Variants in RRBP1 observed in about 807,000 individuals in gnomAD.
The protein encoded by RRBP1 is ribosome binding protein 1.
RRBP1 carries 94 observed loss-of-function variants against 165.2 expected under a neutral mutation model. The observed-to-expected ratio is 0.57, with a 90% confidence interval of 0.48 to 0.68. The LOEUF (loss-of-function observed/expected upper bound fraction) is 0.68, where lower values mean the gene tolerates loss of function less well. Ranked by LOEUF, RRBP1 falls within the 30% of genes least tolerant of loss-of-function variation. The pLI is 0.00. For synonymous variants in RRBP1, 680 were observed against 714.5 expected, an observed-to-expected ratio of 0.95 and a Z score of 0.77; for missense variants, 1,676 against 1,763.0, an observed-to-expected ratio of 0.95 and a Z score of 0.88.
Position 17,659,015 on chromosome 20 carries a change from T to A in RRBP1, c.1493A>T (p.Gln498Leu). ...CTGGGCTCCCTCGGCCTTTTTGCCCTGGTTCTGAGCCCCCTCGGCCTTCTT... is the reference window on the plus strand; with the variant it reads ...CTGGGCTCCCTCGGCCTTTTTGCCCAGGTTCTGAGCCCCCTCGGCCTTCTT... ...QGKKAEGAQNQGKKAEGAQNQ... is the reference protein window; with the variant it reads ...QGKKAEGAQNLGKKAEGAQNQ... Residue 498 changes from glutamine to leucine, a missense_variant, in exon 3 of 25, where the codon CAG becomes CTG. Gln to Leu is a moderately radical substitution (Grantham distance 113). Around this residue, in one of 5 missense-constraint regions of RRBP1, gnomAD observed 1,184 missense variants for 1,167.1 expected, o/e 1.01. Coordinates refer to ENST00000377813, the MANE Select transcript of RRBP1 (RefSeq NM_001365613.2). 6.3e-7 allele frequency: 1 copy of A among 1,594,312 alleles called. No homozygotes were observed. Among genetic ancestry groups the A allele is most frequent in the South Asian group, 1.1e-5 (1 of 89,620 alleles).
chr20:17,651,802 G>A (rs1450067056), intron 3 of RRBP1, among the ~76,000 whole-genome samples: 1 of 152,256 alleles, frequency 6.6e-6, no homozygotes, highest in Non-Finnish European at 1.5e-5. Context: ...TAGGAAGGCA[G>A]GTGTTCTCTG....
chr20:17,679,920 C>G (rs1053069866), intron 2 of RRBP1, 79 bp downstream of exon 2: 2 of 152,274 alleles, frequency 1.3e-5, no homozygotes, highest in African/African-American at 4.8e-5. Context: ...CAACCTTAGC[C>G]TCCTCCAGGC....
intron 7 of RRBP1, among the ~76,000 whole-genome samples, chr20:17,635,142 C>T (rs1320309142): frequency 1.3e-5 from 2 of 152,226 alleles, no homozygotes; most frequent in East Asian, 1.9e-4. Flanking sequence ...AGAAGTGCGG[C>T]TGTACTCAAC....
chr20:17,621,140 G>T (rs1223982138), intron 16 of RRBP1, among the ~76,000 whole-genome samples: 10 of 152,210 alleles, frequency 6.6e-5, no homozygotes, highest in African/African-American at 2.4e-5. Flanking sequence ...GCCAGAGAGT[G>T]GCAGGGCTAG....
intron 2 of RRBP1, among the ~76,000 whole-genome samples, chr20:17,665,119 G>A (rs1355563665): frequency 3.3e-5 from 5 of 151,598 alleles, no homozygotes; most frequent in Admixed American, 2.0e-4. Flanking sequence ...TGTGGGGGGG[G>A]GACACACACA....
chr20:17,622,943 G>T (rs1004384335), intron 13 of RRBP1: 2 of 152,220 alleles, frequency 1.3e-5, no homozygotes, highest in African/African-American at 4.8e-5. Context: ...TGAGCGCAGC[G>T]CCCTCTGGCC....
chr20:17,627,439 G>A, intron 10 of RRBP1, 57 bp from the exon 11 acceptor site: 1 of 1,611,308 alleles, frequency 6.2e-7, no homozygotes, highest in Non-Finnish European at 8.5e-7. Flanking sequence ...ACGCAGCGGG[G>A]CTAGTCCACC....
chr20:17,629,984 G>A, intron 8 of RRBP1, 23 bp from the exon 9 acceptor site: 1 of 1,584,996 alleles, frequency 6.3e-7, no homozygotes. Context: ...AGGGGAGTGG[G>A]GCAGTGAAGA....
At chr20:17,672,443 C>T (rs761216814) in intron 2 of RRBP1, among the ~76,000 whole-genome samples, 3 of 152,208 alleles carry the variant, frequency 2.0e-5, no homozygotes, top group African/African-American at 4.8e-5. Flanking sequence ...TCTGTGACAG[C>T]GGAGAACTTC....
At position 17,620,043 on chromosome 20, in the gene RRBP1, C is replaced by T. The variant is rs965313989; in HGVS notation, c.3579+256G>A. On this transcript the variant is annotated intron_variant, in intron 18 of 24. Coordinates refer to ENST00000377813, the MANE Select transcript of RRBP1 (RefSeq NM_001365613.2). ...GTGGGGCCACCTTGACTGTGAAGGC[C>T]GTGGCAGAAGCCCTGTTCACCAGGG... Among the ~76,000 whole-genome samples, 5 of 152,094 alleles carry T rather than the reference C, an allele frequency of 3.3e-5. No individual in the cohort carries two copies. The East Asian group carries it at 9.7e-4, about 29-fold the overall frequency.
intron 9 of RRBP1, among the ~76,000 whole-genome samples, chr20:17,628,545 A>G (rs1380702909): frequency 2.0e-5 from 3 of 152,114 alleles, no homozygotes; most frequent in Non-Finnish European, 4.4e-5. Context: ...CGCACATGAG[A>G]CGACTTCATC....
intron 8 of RRBP1, 104 bp from the exon 9 acceptor site, chr20:17,630,065 G>C: frequency 7.7e-7 from 1 of 1,292,976 alleles, no homozygotes; most frequent in Non-Finnish European, 1.1e-6. Flanking sequence ...CCAAAGCCCC[G>C]TGCAGTCTCT....
rs758130482 is a variant in RRBP1, at chr20:17,629,860, A to T, written c.2712T>A (p.Asp904Glu). The T allele has an allele frequency of 1.3e-5, 21 of 1,599,764 alleles. No individual in the cohort carries two copies. The highest frequency in any genetic ancestry group is 1.8e-5 in the Non-Finnish European group (21 of 1,179,440). Residue 904 changes from aspartate (D) to glutamate (E), a missense_variant, in exon 9 of 25, where the codon GAT (aspartate) becomes GAA (glutamate). By Grantham distance (45) the Asp-to-Glu change is conservative (BLOSUM62 2). Transcript: ENST00000377813. Reference sequence around the variant, plus strand: ...GCTGTTGCTCCTGGGCCTTCTCGGCATCCGCCCGGAGGCTGGCGTGGCTGC... The same window carrying T: ...GCTGTTGCTCCTGGGCCTTCTCGGCTTCCGCCCGGAGGCTGGCGTGGCTGC... The part of the protein sequence containing the change: ...TQSSHASLRA[D>E]AEKAQEQQQQ...
At chr20:17,624,358 CTGTCCTAGTGCCTCTGTG>C (rs2035973314) in intron 13 of RRBP1, among the ~76,000 whole-genome samples, 200 bp downstream of exon 13, 1 of 152,110 alleles carries the variant, frequency 6.6e-6, no homozygotes, top group African/African-American at 2.4e-5. Flanking sequence ...GCCTCTGTGT[CTGTCCTAGTGCCTCTGTG>C]TGTCCTAGTG....
intron 2 of RRBP1, among the ~76,000 whole-genome samples, chr20:17,675,166 T>A (rs976081992): frequency 2.6e-5 from 4 of 152,364 alleles, no homozygotes; most frequent in Non-Finnish European, 5.9e-5. Context: ...GGGCAGGATG[T>A]CCACATTTAA....
chr20:17,648,478 G>A (rs2036503183), intron 3 of RRBP1, among the ~76,000 whole-genome samples: 3 of 152,272 alleles, frequency 2.0e-5, no homozygotes, highest in Admixed American at 1.3e-4. Flanking sequence ...ACAGGAAGCA[G>A]GCCAAGGAGG....
At chr20:17,635,027 C>T (rs945363460) in intron 7 of RRBP1, among the ~76,000 whole-genome samples, 1 of 152,174 alleles carries the variant, frequency 6.6e-6, no homozygotes, top group African/African-American at 2.4e-5. Flanking sequence ...CAAGTCCCTG[C>T]AGGACACTTC....
At chr20:17,615,809 G>C in intron 22 of RRBP1, 117 bp downstream of exon 22, 1 of 922,358 alleles carries the variant, frequency 1.1e-6, no homozygotes, top group Non-Finnish European at 1.6e-6. Context: ...AGAAGGCCCA[G>C]GCCCAGCCCA....
chr20:17,673,812 C>A (rs549755117), intron 2 of RRBP1, among the ~76,000 whole-genome samples: 1 of 152,334 alleles, frequency 6.6e-6, no homozygotes, highest in Non-Finnish European at 1.5e-5. Flanking sequence ...AGCTTCAGAG[C>A]AGTGGCTAAA....
Sources: gnomAD v4.1 joint callset for allele counts (sites outside exome capture counted in the v4.1 genomes callset) on GRCh38, gnomAD v4.1.1 for gene constraint, gnomAD v4.1.1 regional missense constraint, MANE v1.5 for transcripts, NCBI Gene and HGNC (gene_info 2026-07-23, HGNC 2026-07-21) for gene names.